Variants in CCDC33 observed in about 807,000 individuals in gnomAD.
CCDC33 encodes the protein coiled-coil domain containing 33.
A neutral mutation model predicts 91.9 loss-of-function variants in CCDC33; 94 were observed. That is an observed-to-expected ratio of 1.02 (90% CI 0.87 to 1.21). The LOEUF is 1.21. Ranked by LOEUF, CCDC33 falls within the 50% of genes most tolerant of loss-of-function variation. The probability of loss-of-function intolerance (pLI) is 0.00; values close to 1 mark genes in which losing one functional copy is unlikely to be tolerated. For missense variants in CCDC33, 940 were observed against 935.5 expected (o/e 1.00, Z -0.06); for synonymous variants, 396 against 374.5 (o/e 1.06, Z -0.66).
intron 11 of CCDC33, among the ~76,000 whole-genome samples, chr15:74,308,159 T>C (rs2059925583): frequency 6.6e-6 from 1 of 152,094 alleles, no homozygotes; most frequent in African/African-American, 2.4e-5. Context: ...AAGCAGGACC[T>C]TTCAACCCAC....
At chr15:74,288,219 C>T (rs2059517140) in intron 10 of CCDC33, among the ~76,000 whole-genome samples, 1 of 152,202 alleles carries the variant, frequency 6.6e-6, no homozygotes, top group Non-Finnish European at 1.5e-5. Flanking sequence ...TCCCCCTGGC[C>T]CTGCCTTTTC....
At position 74,218,862 on chromosome 15, in the gene CCDC33, G is replaced by T; in HGVS notation, c.675+1G>T. The T allele has an allele frequency of 8.2e-7, 1 of 1,225,834 alleles. No homozygotes were observed. The highest frequency in any genetic ancestry group is 1.0e-6 in the Non-Finnish European group (1 of 958,126). The allele number at this position is 1,225,834 out of a possible 1,614,324, so 75.9% of individuals were successfully genotyped here. A position where few individuals can be genotyped will look rare whatever the true frequency, so the allele number is the denominator to read the frequency against. On this transcript the variant is annotated splice_donor_variant, in intron 2 of 2. Transcript: ENST00000635913. LOFTEE classifies it high-confidence loss of function. The surrounding 1 kb of genome is among the most constrained non-coding windows in gnomAD (Gnocchi z 4.8). Reference sequence around the variant, plus strand: ...AGAGCCCCAGCTCCCCATACTGCAGGTGGGTGCTTCCCTGGTCCCAGTTCA... The same window carrying T: ...AGAGCCCCAGCTCCCCATACTGCAGTTGGGTGCTTCCCTGGTCCCAGTTCA...
At chr15:74,280,228 A>C (rs2076556681) in intron 8 of CCDC33, 136 bp downstream of exon 8, 2 of 1,022,036 alleles carry the variant, frequency 2.0e-6, no homozygotes, top group Non-Finnish European at 2.8e-6. Context: ...TTCCTAATGC[A>C]GGCAGAGGAG....
In CCDC33 at chr15:74,244,064, A is replaced by G. The variant is rs1214683029; in HGVS notation, c.101A>G (p.Lys34Arg). The G allele has an allele frequency of 6.2e-7, 1 of 1,613,302 alleles. No homozygotes were observed. The highest frequency in any genetic ancestry group is 1.1e-5 in the South Asian group (1 of 91,030). The change falls in exon 2 of 19, where the codon AAG becomes AGG. Residue 34 changes from lysine to arginine, a missense_variant. Physicochemically the swap from Lys to Arg is conservative, Grantham distance 26. Transcript: ENST00000398814. This position sits in a 1 kb window ranked among gnomAD's most constrained non-coding sequence, Gnocchi z 4.2. ...PEIGHLSPSK[K>R]ETIMVTLHGA... Reference sequence around the variant, plus strand: ...ATCGGTCACCTGTCTCCCTCTAAGAAGGAGACCATCATGGTCACCCTCCAT... The same window carrying G: ...ATCGGTCACCTGTCTCCCTCTAAGAGGGAGACCATCATGGTCACCCTCCAT...
At chr15:74,307,280 C>T (rs2059909175) in intron 11 of CCDC33, among the ~76,000 whole-genome samples, 1 of 152,144 alleles carries the variant, frequency 6.6e-6, no homozygotes, top group African/African-American at 2.4e-5. Context: ...AAGCACCAGC[C>T]CAACCTTAGT....
upstream of CCDC33, among the ~76,000 whole-genome samples, chr15:74,234,497 G>C (rs997962239): frequency 6.6e-6 from 1 of 152,152 alleles, no homozygotes; most frequent in African/African-American, 2.4e-5. Context: ...AGCAGCTCTC[G>C]GGGGAGGTTA....
At chr15:74,232,898 A>G (rs2075027239), upstream of CCDC33, among the ~76,000 whole-genome samples, 1 of 152,090 alleles carries the variant, frequency 6.6e-6, no homozygotes, top group African/African-American at 2.4e-5. Flanking sequence ...TGAAGTCTGC[A>G]TGTCTCCACC....
Position 74,236,408 on chromosome 15 carries a change from C to T in CCDC33, c.-312C>T. The T allele has an allele frequency of 2.6e-6, 1 of 384,442 alleles. No individual in the cohort carries two copies. The highest frequency in any genetic ancestry group is 4.7e-6 in the Non-Finnish European group (1 of 213,966). The allele number at this position is 384,442 out of a possible 1,614,324, so 23.8% of individuals were successfully genotyped here. A position where few individuals can be genotyped will look rare whatever the true frequency, so the allele number is the denominator to read the frequency against. The stretch of plus-strand genomic sequence containing the variant: ...TAGGTGTGCCAAGAGTCAATTGCCT[C>T]ATTGCTGACCCTGTCCAGCTGGCCA... On this transcript the variant is annotated 5_prime_UTR_variant, in exon 1 of 19. Coordinates refer to ENST00000398814, the MANE Select transcript of CCDC33 (RefSeq NM_025055.5).
chr15:74,260,882 G>T (rs2076005661), intron 2 of CCDC33, among the ~76,000 whole-genome samples: 1 of 152,176 alleles, frequency 6.6e-6, no homozygotes, highest in Non-Finnish European at 1.5e-5. Flanking sequence ...ATAATTTAAG[G>T]TACTAAGAAT....
intron 1 of CCDC33, chr15:74,207,639 CG>C (rs1567203345): frequency 1.4e-6 from 2 of 1,469,000 alleles, no homozygotes; most frequent in Non-Finnish European, 1.8e-6. Flanking sequence ...TTCGATAGCA[CG>C]GAAGAGAACA....
chr15:74,255,246 A>G (rs1405286568), intron 2 of CCDC33, among the ~76,000 whole-genome samples: 2 of 151,976 alleles, frequency 1.3e-5, no homozygotes, highest in Non-Finnish European at 2.9e-5. Flanking sequence ...TGAGATACTG[A>G]GCGCTGTTAT....
chr15:74,258,196 C>G (rs1447279277), intron 2 of CCDC33, among the ~76,000 whole-genome samples: 1 of 152,214 alleles, frequency 6.6e-6, no homozygotes, highest in African/African-American at 2.4e-5. Flanking sequence ...TCCTTATCCA[C>G]TATTCCCAGT....
rs1202997795 is a variant in CCDC33, at chr15:74,318,093, G to C, written c.1291-12096G>C. 1.1e-4 allele frequency among the ~76,000 whole-genome samples: 16 copies of C among 150,858 alleles called. 1 individual carries two copies. The East Asian group carries it at 3.1e-3, about 29-fold the overall frequency. Reference sequence around the variant, plus strand: ...GCCCAGCTTGTGCTGCTGCGGGGTGGGGAGGACTCCTGAGGGGACAAGGGG... The same window carrying C: ...GCCCAGCTTGTGCTGCTGCGGGGTGCGGAGGACTCCTGAGGGGACAAGGGG... On this transcript the variant is annotated intron_variant, in intron 11 of 18. Transcript: ENST00000398814.
At chr15:74,314,645 A>G (rs187245902) in intron 11 of CCDC33, among the ~76,000 whole-genome samples, 2,017 of 152,214 alleles carry the variant, frequency 0.013, 21 homozygotes, top group Middle Eastern at 0.068. Flanking sequence ...CATCATGACG[A>G]GCCCTTTCCT....
chr15:74,272,933 C>G lies in CCDC33; in HGVS notation c.759+42C>G, dbSNP rs371566197. Reference sequence around the variant, plus strand: ...GTGGTTCCAGCTTCCTGTAACTACCCCACACATTCACTGTTCACTCACTCA... The same window carrying G: ...GTGGTTCCAGCTTCCTGTAACTACCGCACACATTCACTGTTCACTCACTCA... On this transcript the variant is annotated intron_variant, in intron 7 of 18. Transcript: ENST00000398814. The G allele has an allele frequency of 2.0e-4, 315 of 1,611,636 alleles. 3 individuals are homozygous for G. The highest frequency in any genetic ancestry group is 1.8e-3 in the Middle Eastern group (11 of 6,052).
At chr15:74,242,326 A>G (rs1156788891) in intron 1 of CCDC33, among the ~76,000 whole-genome samples, 1 of 152,210 alleles carries the variant, frequency 6.6e-6, no homozygotes, top group Non-Finnish European at 1.5e-5. Context: ...GGAGCCGGCC[A>G]TTCTGAGCCA....
exon 1 of CCDC33, chr15:74,217,280 C>T: frequency 7.9e-7 from 1 of 1,271,260 alleles, no homozygotes; most frequent in Non-Finnish European, 1.0e-6. Context: ...CCATGGCATT[C>T]AGGGGGCCTG....
chr15:74,273,165 G>T (rs1172841157), intron 7 of CCDC33, among the ~76,000 whole-genome samples: 2 of 152,246 alleles, frequency 1.3e-5, no homozygotes, highest in Non-Finnish European at 2.9e-5. Flanking sequence ...GCCTGTCAGG[G>T]CTATCACATC....
intron 10 of CCDC33, among the ~76,000 whole-genome samples, chr15:74,285,701 T>C (rs1357225707): frequency 6.6e-6 from 1 of 152,012 alleles, no homozygotes. Context: ...TTTGGAATAT[T>C]GCACTTGAAG....
Sources: allele counts gnomAD v4.1 joint callset (sites outside exome capture counted in the v4.1 genomes callset), GRCh38; gene constraint gnomAD v4.1.1; non-coding constraint Gnocchi (gnomAD v3.1); transcripts MANE v1.5; gene names NCBI Gene and HGNC (gene_info 2026-07-23, HGNC 2026-07-21).